FIG4: variants seen among roughly 807,000 people sequenced by gnomAD.
FIG4 encodes the protein FIG4 phosphoinositide 5-phosphatase.
A neutral mutation model predicts 118.6 loss-of-function variants in FIG4; 112 were observed. The ratio of observed to expected loss-of-function variants is 0.94; its 90% CI spans 0.81 to 1.11. FIG4 has a LOEUF of 1.11. Among genes scored for constraint, FIG4 ranks in the 50% least tolerant of loss-of-function variants. The probability of loss-of-function intolerance (pLI) is 0.00; values close to 1 mark genes in which losing one functional copy is unlikely to be tolerated. For synonymous variants in FIG4, 369 were observed against 381.2 expected (o/e 0.97, Z 0.37); for missense variants, 969 against 1,111.7 (o/e 0.87, Z 1.83).
chr6:109,718,920 A>ATT lies in FIG4; in HGVS notation c.289+2367_289+2368dup, dbSNP rs35555849. ...AGCTTAAATGTTGATACCTTATTACATTTTTTTTTTTTTTTTGAGACAGAG... is the reference window on the plus strand; with the variant it reads ...AGCTTAAATGTTGATACCTTATTACATTTTTTTTTTTTTTTTTTGAGACAGAG... On this transcript the variant is annotated intron_variant, in intron 3 of 22. Transcript: ENST00000230124. 9.1e-3 allele frequency among the ~76,000 whole-genome samples: 1,298 copies of ATT among 143,346 alleles called. 18 individuals carry two copies. Among genetic ancestry groups the ATT allele is most frequent in the African/African-American group, 0.015 (574 of 38,684 alleles). 94.0% of individuals were successfully genotyped at this position (143,346 alleles called of 152,430 possible). A position where few individuals can be genotyped will look rare whatever the true frequency, so the allele number is the denominator to read the frequency against.
In FIG4 at chr6:109,716,582, C is replaced by T. The variant is rs1043050827; in HGVS notation, c.289+14C>T. 1 of 1,613,194 alleles carries T rather than the reference C, an allele frequency of 6.2e-7. No homozygotes were observed. The highest frequency in any genetic ancestry group is 8.5e-7 in the Non-Finnish European group (1 of 1,179,470). On this transcript the variant is annotated intron_variant, in intron 3 of 22. Coordinates refer to ENST00000230124, the MANE Select transcript of FIG4 (RefSeq NM_014845.6). ...TTGGTGTTGTGGGTAAGAAATCTGCCCCCCTTCTTACAATCTCTTGTTTTT... is the reference window on the plus strand; with the variant it reads ...TTGGTGTTGTGGGTAAGAAATCTGCTCCCCTTCTTACAATCTCTTGTTTTT...
At chr6:109,696,769 G>A (rs771139855) in intron 1 of FIG4, among the ~76,000 whole-genome samples, 1 of 151,768 alleles carries the variant, frequency 6.6e-6, no homozygotes, top group Non-Finnish European at 1.5e-5. Flanking sequence ...AGGGAGGGAG[G>A]GTTAACAGAT....
chr6:109,721,320 CG>C (rs1210277601), intron 3 of FIG4, among the ~76,000 whole-genome samples: 2 of 151,920 alleles, frequency 1.3e-5, no homozygotes, highest in Non-Finnish European at 2.9e-5. Context: ...GGGTACCTTG[CG>C]GGGGGTTTTG....
chr6:109,713,619 C>G (rs1775337470), intron 1 of FIG4, among the ~76,000 whole-genome samples: 1 of 152,166 alleles, frequency 6.6e-6, no homozygotes, highest in Admixed American at 6.5e-5. Flanking sequence ...AGTGGCAGGA[C>G]AGGGTACATG....
At chr6:109,730,251 G>A (rs1265890167) in intron 4 of FIG4, among the ~76,000 whole-genome samples, 1 of 151,746 alleles carries the variant, frequency 6.6e-6, no homozygotes, top group Non-Finnish European at 1.5e-5. Context: ...GTCTTTCTGT[G>A]TTGACCAGGC....
At chr6:109,821,772 T>A (rs1779011761) in intron 22 of FIG4, among the ~76,000 whole-genome samples, 2 of 152,156 alleles carry the variant, frequency 1.3e-5, no homozygotes, top group African/African-American at 4.8e-5. Flanking sequence ...ACAGCGCATA[T>A]AAAGGGCAGA....
chr6:109,757,999 T>C (rs970535535), intron 10 of FIG4, among the ~76,000 whole-genome samples: 16 of 152,196 alleles, frequency 1.1e-4, no homozygotes, highest in African/African-American at 2.2e-4. Flanking sequence ...TGCTCATTGA[T>C]AGGAAGAATC....
chr6:109,791,575 C>CG lies in FIG4; in HGVS notation c.2376+9dup, dbSNP rs780373290. The CG allele has an allele frequency of 1.2e-6, 2 of 1,613,022 alleles. No individual in the cohort carries two copies. Among genetic ancestry groups the CG allele is most frequent in the African/African-American group, 2.7e-5 (2 of 74,864 alleles). On this transcript the variant is annotated splice_donor_region_variant and intron_variant, in intron 20 of 22. Coordinates refer to ENST00000230124, the MANE Select transcript of FIG4 (RefSeq NM_014845.6). ...AGACAGTGCCAAAGTGACCGAGGTG[C>CG]GGGGGAGGGAAGCCTGTGGCATCCA... is the stretch of plus-strand genomic sequence containing the variant.
intron 22 of FIG4, among the ~76,000 whole-genome samples, chr6:109,816,106 A>C (rs1272098171): frequency 6.6e-6 from 1 of 152,156 alleles, no homozygotes; most frequent in Non-Finnish European, 1.5e-5. Flanking sequence ...TGTGCTTTGT[A>C]CAGTTCTCCA....
chr6:109,782,825 GA>G (rs1158892340), intron 16 of FIG4, among the ~76,000 whole-genome samples: 6 of 152,312 alleles, frequency 3.9e-5, no homozygotes, highest in South Asian at 4.1e-4. Flanking sequence ...GAATAGATGT[GA>G]ATTCAGAGAA....
rs553562659 is a variant in FIG4, at chr6:109,773,520, C to T, written c.1751-3402C>T. On this transcript the variant is annotated intron_variant, in intron 15 of 22. Transcript: ENST00000230124. ...AATTCTCCCTGCATTATTTCTTTTC[C>T]TCATCACTGTTCCCCAATCCCATCT... 3.9e-5 allele frequency among the ~76,000 whole-genome samples: 6 copies of T among 152,278 alleles called. No homozygotes were observed. The East Asian group carries it at 1.2e-3, about 29-fold the overall frequency.
At chr6:109,740,885 T>G (rs1323151546) in intron 7 of FIG4, among the ~76,000 whole-genome samples, 1 of 151,904 alleles carries the variant, frequency 6.6e-6, no homozygotes, top group African/African-American at 2.4e-5. Flanking sequence ...ACAATCATGG[T>G]GGAAGGTGAA....
chr6:109,749,554 T>G (rs1776621247), intron 10 of FIG4, among the ~76,000 whole-genome samples: 1 of 141,284 alleles, frequency 7.1e-6, no homozygotes, highest in South Asian at 2.3e-4. Context: ...AGATTTGAAT[T>G]AGTGGATTTA....
chr6:109,764,294 C>T (rs893586492), intron 13 of FIG4, among the ~76,000 whole-genome samples: 3 of 151,778 alleles, frequency 2.0e-5, no homozygotes, highest in Non-Finnish European at 4.4e-5. Flanking sequence ...AAAAATTATC[C>T]GGGCTTGGTG....
rs943331406 is a variant in FIG4, at chr6:109,757,016, C to G, written c.1138-3234C>G. Among the ~76,000 whole-genome samples, 3 of 152,116 alleles carry G rather than the reference C, an allele frequency of 2.0e-5. No individual in the cohort carries two copies. The East Asian group carries it at 5.8e-4, about 29-fold the overall frequency. On this transcript the variant is annotated intron_variant, in intron 10 of 22. Transcript: ENST00000230124. ...CTCAGATGGAAATGCAGAAATCACC[C>G]GTCTTCTGCGTCGCTCACGCTGGGA...
At chr6:109,718,875 A>T in intron 3 of FIG4, among the ~76,000 whole-genome samples, 1 of 152,262 alleles carries the variant, frequency 6.6e-6, no homozygotes, top group East Asian at 1.9e-4. Context: ...TAATTTAAAT[A>T]ATAGTTACTT....
chr6:109,792,479 C>G, intron 20 of FIG4, 103 bp from the exon 21 acceptor site: 1 of 750,434 alleles, frequency 1.3e-6, no homozygotes, highest in South Asian at 1.5e-5. Context: ...ACTGTGATTG[C>G]TTTTGTGGAA....
chr6:109,716,656 TA>T, intron 3 of FIG4, 88 bp downstream of exon 3: 1 of 1,453,044 alleles, frequency 6.9e-7, no homozygotes, highest in Non-Finnish European at 9.6e-7. Context: ...TATAAGGCTA[TA>T]AGGCTTTAAA....
At chr6:109,762,026 A>G in intron 11 of FIG4, 65 bp from the exon 12 acceptor site, 1 of 916,630 alleles carries the variant, frequency 1.1e-6, no homozygotes, top group Non-Finnish European at 1.8e-6. Flanking sequence ...CTGGCTTTAG[A>G]TATAAGGATA....
Sources: allele counts gnomAD v4.1 joint callset (sites outside exome capture counted in the v4.1 genomes callset), GRCh38; gene constraint gnomAD v4.1.1; transcripts MANE v1.5; gene names NCBI Gene and HGNC (gene_info 2026-07-23, HGNC 2026-07-21).